Variants in RASA1 observed in about 807,000 individuals in gnomAD.
The protein encoded by RASA1 is RAS p21 protein activator 1.
In RASA1, 25 loss-of-function variants were observed where a neutral mutation model predicts 132.2. The ratio of observed to expected loss-of-function variants is 0.19; its 90% confidence interval spans 0.14 to 0.26. RASA1 has a LOEUF of 0.26. RASA1 is among the 10% of genes least tolerant of loss of function. RASA1 has a pLI of 1.00. For missense variants in RASA1, 964 were observed against 1,299.2 expected (o/e 0.74, Z 3.97); for synonymous variants, 477 against 449.9 (o/e 1.06, Z -0.76).
intron 11 of RASA1, among the ~76,000 whole-genome samples, chr5:87,368,255 C>T (rs1329538443): frequency 1.3e-5 from 2 of 152,026 alleles, no homozygotes; most frequent in African/African-American, 4.8e-5. Context: ...CAGTTAAATC[C>T]ACTTTTTCAG....
intron 1 of RASA1, among the ~76,000 whole-genome samples, chr5:87,285,032 C>CTATTTATT (rs777115471): frequency 2.2e-5 from 3 of 136,682 alleles, no homozygotes; most frequent in Non-Finnish European, 4.7e-5. Context: ...GATAATGGTA[C>CTATTTATT]CATTTATTTA....
chr5:87,336,336 TTTAA>T, intron 4 of RASA1, among the ~76,000 whole-genome samples: 1 of 152,200 alleles, frequency 6.6e-6, no homozygotes, highest in South Asian at 2.1e-4. Flanking sequence ...GGATGTCATT[TTTAA>T]GAGTGTAAAG....
intron 13 of RASA1, among the ~76,000 whole-genome samples, chr5:87,372,507 T>G (rs1043172587): frequency 6.6e-6 from 1 of 152,166 alleles, no homozygotes; most frequent in African/African-American, 2.4e-5. Context: ...TTCAAAAAAG[T>G]AGAACATTGA....
chr5:87,312,374 T>A (rs1054898764), intron 1 of RASA1, among the ~76,000 whole-genome samples: 8 of 152,222 alleles, frequency 5.3e-5, no homozygotes, highest in Non-Finnish European at 7.4e-5. Context: ...ATAAATTTTT[T>A]TTGGAGAATA....
At chr5:87,322,219 C>T (rs1756875056) in intron 1 of RASA1, among the ~76,000 whole-genome samples, 1 of 152,102 alleles carries the variant, frequency 6.6e-6, no homozygotes, top group African/African-American at 2.4e-5. Flanking sequence ...CTGTTAGGAG[C>T]TGGGCCACAC....
intron 1 of RASA1, among the ~76,000 whole-genome samples, chr5:87,288,034 T>C (rs62368941): frequency 0.012 from 78 of 6,472 alleles, 2 homozygotes; most frequent in Admixed American, 0.076. Flanking sequence ...ACCATATATA[T>C]ATACCATATA....
chr5:87,274,779 A>G (rs2112234523), intron 1 of RASA1, among the ~76,000 whole-genome samples: 1 of 152,288 alleles, frequency 6.6e-6, no homozygotes, highest in South Asian at 2.1e-4. Context: ...TTTTCCTGCT[A>G]CTTAATTTAT....
intron 15 of RASA1, among the ~76,000 whole-genome samples, chr5:87,375,887 G>A (rs1236452811): frequency 6.6e-6 from 1 of 152,056 alleles, no homozygotes; most frequent in African/African-American, 2.4e-5. Context: ...TTACTTTTAC[G>A]ATAAAATCCA....
intron 1 of RASA1, among the ~76,000 whole-genome samples, chr5:87,285,961 A>G (rs1369972634): frequency 1.3e-5 from 2 of 151,366 alleles, no homozygotes; most frequent in African/African-American, 4.9e-5. Flanking sequence ...CCAGTTATCT[A>G]GATTGTTCTA....
At chr5:87,275,251 A>AT (rs1475116835) in intron 1 of RASA1, among the ~76,000 whole-genome samples, 3 of 152,168 alleles carry the variant, frequency 2.0e-5, no homozygotes, top group African/African-American at 2.4e-5. Context: ...TACCACTGAC[A>AT]TTTTTTGTTG....
intron 5 of RASA1, among the ~76,000 whole-genome samples, chr5:87,340,961 T>G (rs79936845): frequency 3.4e-5 from 5 of 147,902 alleles, no homozygotes; most frequent in African/African-American, 7.4e-5. Flanking sequence ...TAGAGAGGTG[T>G]TTTTTTTTTG....
At chr5:87,387,476 A>C (rs895010159) in intron 23 of RASA1, among the ~76,000 whole-genome samples, 1 of 152,134 alleles carries the variant, frequency 6.6e-6, no homozygotes, top group African/African-American at 2.4e-5. Flanking sequence ...AATCAAGTTA[A>C]ATTTTCATGA....
At chr5:87,332,815 G>C (rs1004430519) in intron 3 of RASA1, among the ~76,000 whole-genome samples, 173 bp downstream of exon 3, 1 of 151,652 alleles carries the variant, frequency 6.6e-6, no homozygotes, top group East Asian at 1.9e-4. Flanking sequence ...GAAAAAAAAA[G>C]AAAATATTTT....
At chr5:87,358,580 T>C (rs1173728046) in intron 9 of RASA1, among the ~76,000 whole-genome samples, 3 of 152,254 alleles carry the variant, frequency 2.0e-5, no homozygotes, top group Non-Finnish European at 4.4e-5. Flanking sequence ...TGTCCCCTTA[T>C]GCTGCATGCT....
At chr5:87,293,893 CTT>C (rs1001445440) in intron 1 of RASA1, among the ~76,000 whole-genome samples, 1 of 151,968 alleles carries the variant, frequency 6.6e-6, no homozygotes, top group Non-Finnish European at 1.5e-5. Flanking sequence ...TTTTTAATGA[CTT>C]TGGGGTCAGT....
intron 1 of RASA1, among the ~76,000 whole-genome samples, chr5:87,270,105 G>A (rs938915294): frequency 2.6e-5 from 4 of 151,624 alleles, no homozygotes; most frequent in African/African-American, 7.3e-5. Context: ...AGCCGGACGC[G>A]GTGGCACGCG....
intron 1 of RASA1, among the ~76,000 whole-genome samples, chr5:87,296,489 G>A (rs146735269): frequency 2.6e-4 from 40 of 152,208 alleles, no homozygotes; most frequent in Non-Finnish European, 5.4e-4. Context: ...GTCTTGCAAG[G>A]CAGGTCTACT....
intron 11 of RASA1, 142 bp from the exon 12 acceptor site, chr5:87,369,671 A>C: frequency 1.7e-6 from 1 of 598,090 alleles, no homozygotes; most frequent in South Asian, 2.4e-5. Context: ...TTTTTTTAGT[A>C]ATGATCTGGT....
chr5:87,388,438 T>A (rs1309562528), intron 23 of RASA1, among the ~76,000 whole-genome samples: 1 of 152,148 alleles, frequency 6.6e-6, no homozygotes, highest in Non-Finnish European at 1.5e-5. Flanking sequence ...TGCTAAAAAA[T>A]CCAAAACTTG....
Sources: gnomAD v4.1 joint callset for allele counts (sites outside exome capture counted in the v4.1 genomes callset) on GRCh38, gnomAD v4.1.1 for gene constraint, MANE v1.5 for transcripts, NCBI Gene and HGNC (gene_info 2026-07-23, HGNC 2026-07-21) for gene names.